POLDIP2: variants seen among roughly 807,000 people sequenced by gnomAD.
The protein encoded by POLDIP2 is polymerase delta-interacting protein 2.
A neutral mutation model predicts 52.9 loss-of-function variants in POLDIP2; 32 were observed. The observed-to-expected ratio is 0.61, with a 90% CI of 0.46 to 0.81. The LOEUF (loss-of-function observed/expected upper bound fraction) is 0.81. POLDIP2 is among the 40% of genes least tolerant of loss of function. The pLI is 0.00. For missense variants in POLDIP2, 371 were observed against 477.3 expected (o/e 0.78, Z 2.07); for synonymous variants, 183 against 183.0 (o/e 1.00, Z 0.00).
At position 28,348,121 on chromosome 17, in the gene POLDIP2, C is replaced by T. The variant is rs562869491; in HGVS notation, c.1103G>A (p.Trp368Ter). The T allele has an allele frequency of 5.6e-6, 9 of 1,595,110 alleles. No homozygotes were observed. The East Asian group carries it at 1.6e-4, about 28-fold the overall frequency. ...GCACTTGGGGCCTCAGCTGGCCTAC[C>T]AGTGAAGGCCTGAGGGTGGTGTCTT... ...DEKTPPSGLHW is the reference protein window; with the variant it reads ...DEKTPPSGLH The change falls in exon 11 of 11, where the codon TGG becomes TAG. Residue 368 changes from tryptophan to a stop codon, truncating the protein, a stop_gained. Transcript: ENST00000540200. LOFTEE classifies it high-confidence loss of function.
chr17:28,357,137 C>G, intron 1 of POLDIP2, 151 bp downstream of exon 1: 1 of 724,742 alleles, frequency 1.4e-6, no homozygotes, highest in African/African-American at 1.9e-5. Context: ...ATGTCCCAGA[C>G]AGCGCAGGTC....
At chr17:28,357,181 C>A in intron 1 of POLDIP2, 107 bp downstream of exon 1, 1 of 1,073,170 alleles carries the variant, frequency 9.3e-7, no homozygotes, top group Non-Finnish European at 1.3e-6. Flanking sequence ...CCGGGTCAAA[C>A]TCCAGTCACC....
chr17:28,353,798 G>T lies in POLDIP2; in HGVS notation c.342-7C>A. ...GCCAGCAGGGTTCTCTGCTCTATGG[G>T]GTGGGAGAAGGAGGCCAAGATCACC... On this transcript the variant is annotated splice_polypyrimidine_tract_variant and splice_region_variant and intron_variant, in intron 3 of 10. Transcript: ENST00000540200. The T allele has an allele frequency of 1.3e-6, 2 of 1,597,328 alleles. No individual in the cohort carries two copies. The highest frequency in any genetic ancestry group is 1.7e-6 in the Non-Finnish European group (2 of 1,164,982).
In POLDIP2 at chr17:28,353,691, TTACTA is replaced by T; in HGVS notation, c.437_438+3del. The T allele has an allele frequency of 6.2e-7, 1 of 1,603,026 alleles. No individual in the cohort carries two copies. Among genetic ancestry groups the T allele is most frequent in the Non-Finnish European group, 8.5e-7 (1 of 1,170,356 alleles). ...CCCCAAGCCCAGCCATCTTGCTTAC[TTACTA>T]TATGTGGGCAGTCACGAGCATCAAT... On this transcript the variant is annotated splice_donor_variant and splice_donor_region_variant and coding_sequence_variant and intron_variant, in exon 4 of 11. Transcript: ENST00000540200. LOFTEE classifies it high-confidence loss of function.
At chr17:28,352,537 C>CTTTTTTTTTT (rs3032928) in intron 6 of POLDIP2, among the ~76,000 whole-genome samples, 1 of 129,224 alleles carries the variant, frequency 7.7e-6, no homozygotes. Context: ...GCACCCGGGC[C>CTTTTTTTTTT]TTTTTTTTTT....
intron 1 of POLDIP2, 51 bp downstream of exon 1, chr17:28,357,237 C>G: frequency 3.4e-6 from 5 of 1,458,868 alleles, no homozygotes; most frequent in Non-Finnish European, 4.5e-6. Context: ...TAGGAACACG[C>G]TCTCTGGGCT....
At position 28,349,114 on chromosome 17, in the gene POLDIP2, C is replaced by T. The variant is rs782767822; in HGVS notation, c.961G>A (p.Val321Ile). The change falls in exon 10 of 11, where the codon GTC becomes ATC. Residue 321 changes from valine (V) to isoleucine (I), a missense_variant. Physicochemically the swap from Val to Ile is conservative, Grantham distance 29 (BLOSUM62 3). Transcript: ENST00000540200. ...EQPAFQYSSH[V>I]SLQASSGHMW... ...TGCCCACTGGAAGCCTGCAGCGAGA[C>T]GTGGCTGCTATACTGGAACGCAGGC... 7.4e-6 allele frequency: 12 copies of T among 1,613,280 alleles called. No homozygotes were observed. The highest frequency in any genetic ancestry group is 4.0e-5 in the African/African-American group (3 of 74,896).
At chr17:28,351,090 C>T (rs2142395124) in intron 7 of POLDIP2, among the ~76,000 whole-genome samples, 1 of 152,312 alleles carries the variant, frequency 6.6e-6, no homozygotes, top group African/African-American at 2.4e-5. Flanking sequence ...CTCACCAGCC[C>T]TGCCCCCTAT....
At chr17:28,356,705 G>C (rs941801533) in intron 1 of POLDIP2, among the ~76,000 whole-genome samples, 9 of 152,126 alleles carry the variant, frequency 5.9e-5, no homozygotes, top group South Asian at 2.1e-4. Context: ...TGTTTTTACT[G>C]TTTTGAAGAT....
chr17:28,350,242 A>T (rs1304478419), intron 9 of POLDIP2, among the ~76,000 whole-genome samples, 196 bp downstream of exon 9: 1 of 152,222 alleles, frequency 6.6e-6, no homozygotes, highest in African/African-American at 2.4e-5. Context: ...TTAACTTCTC[A>T]GTCTCACTCT....
intron 6 of POLDIP2, 44 bp from the exon 7 acceptor site, chr17:28,351,844 T>C (rs1342595351): frequency 6.4e-7 from 1 of 1,571,412 alleles, no homozygotes; most frequent in African/African-American, 1.3e-5. Flanking sequence ...GTGTTGTGGA[T>C]ACAATTGTAT....
rs1555580265 is a variant in POLDIP2 at position 28,352,924 on chromosome 17, C to T, written c.610G>A (p.Asp204Asn). ...HELFERFLLY[D>N]QTKAPPFVAR... ...TGAGAGAGATTACCTTTTGTCTGGT[C>T]ATACAGAAGAAATCTTTCAAAGAGT... is the stretch of plus-strand genomic sequence containing the variant. Residue 204 changes from aspartate to asparagine, a missense_variant, in exon 6 of 11, where the codon GAC becomes AAC. By Grantham distance (23) the Asp-to-Asn change is conservative. Transcript: ENST00000540200. 3.8e-6 allele frequency: 6 copies of T among 1,585,984 alleles called. No individual in the cohort carries two copies. The highest frequency in any genetic ancestry group is 4.3e-6 in the Non-Finnish European group (5 of 1,154,502).
Position 28,357,454 on chromosome 17 carries a change from G to C in POLDIP2, c.-6C>G. ...CGGGCTGTACAGGCTGCCATGTCCC[G>C]CCCGAGCGCCCGCCCGGCTGCTGAC... is the stretch of plus-strand genomic sequence containing the variant. On this transcript the variant is annotated 5_prime_UTR_variant, in exon 1 of 11. Transcript: ENST00000540200. The C allele has an allele frequency of 7.0e-7, 1 of 1,432,552 alleles. No homozygotes were observed. Among genetic ancestry groups the C allele is most frequent in the Admixed American group, 3.1e-5 (1 of 32,674 alleles). The allele number at this position is 1,432,552 out of a possible 1,614,324, so 88.7% of individuals were successfully genotyped here. A position where few individuals can be genotyped will look rare whatever the true frequency, so the allele number is the denominator to read the frequency against.
chr17:28,353,000 A>G lies in POLDIP2; in HGVS notation c.534T>C (p.His178=). The G allele has an allele frequency of 8.9e-7, 1 of 1,126,630 alleles. No homozygotes were observed. The allele number at this position is 1,126,630 out of a possible 1,614,324, so 69.8% of individuals were successfully genotyped here. The change falls in exon 6 of 11, where the codon CAT becomes CAC. Residue 178 remains histidine, a synonymous_variant. Coordinates refer to ENST00000540200, the MANE Select transcript of POLDIP2 (RefSeq NM_015584.5). ...TGGAGGTGTAGGGGAGGATGTCTTC[A>G]TGGCTGACATAGTCCAAGCCTGGCA... The part of the protein sequence containing the change: ...YAIPGLDYVS[H]EDILPYTSTD...
intron 6 of POLDIP2, among the ~76,000 whole-genome samples, chr17:28,352,281 G>A (rs1056271335): frequency 3.7e-4 from 45 of 120,746 alleles, no homozygotes; most frequent in South Asian, 8.1e-4. Flanking sequence ...ATCTGTTGCC[G>A]GGATGGAGTG....
chr17:28,351,934 G>A (rs2073867), intron 6 of POLDIP2, 134 bp from the exon 7 acceptor site: 14 of 733,420 alleles, frequency 1.9e-5, no homozygotes, highest in Non-Finnish European at 3.1e-5. Context: ...CAAACAAGGT[G>A]CTCATACATG....
At chr17:28,357,018 C>A (rs1316889464) in intron 1 of POLDIP2, among the ~76,000 whole-genome samples, 1 of 152,250 alleles carries the variant, frequency 6.6e-6, no homozygotes, top group East Asian at 1.9e-4. Flanking sequence ...GTGCTGGGGA[C>A]CCCAGCCGGG....
At position 28,347,030 on chromosome 17, in the gene POLDIP2, A is replaced by G. The variant is rs1555579087; in HGVS notation, c.*1087T>C. 6.6e-6 allele frequency: 1 copy of G among 152,258 alleles called. No individual in the cohort carries two copies. Among genetic ancestry groups the G allele is most frequent in the African/African-American group, 2.4e-5 (1 of 41,464 alleles). 9.4% of individuals were successfully genotyped at this position (152,258 alleles called of 1,614,324 possible). On this transcript the variant is annotated 3_prime_UTR_variant, in exon 11 of 11. Coordinates refer to ENST00000540200, the MANE Select transcript of POLDIP2 (RefSeq NM_015584.5). The stretch of plus-strand genomic sequence containing the variant: ...CTCAATGGTACAGAGCCATGTTTAC[A>G]GTGAGCAGGCCTTGACCAGCTTGCG...
chr17:28,354,063 C>T (rs1555580513), intron 3 of POLDIP2, among the ~76,000 whole-genome samples: 1 of 152,148 alleles, frequency 6.6e-6, no homozygotes, highest in Admixed American at 6.5e-5. Flanking sequence ...CAAATTGCCA[C>T]CTCAGTCCCC....
Sources: allele counts gnomAD v4.1 joint callset (sites outside exome capture counted in the v4.1 genomes callset), GRCh38; gene constraint gnomAD v4.1.1; transcripts MANE v1.5; gene names NCBI Gene and HGNC (gene_info 2026-07-23, HGNC 2026-07-21).